Variants in CDH13 observed in about 807,000 individuals in gnomAD.
CDH13 encodes the protein cadherin 13.
In CDH13, 24 loss-of-function variants were observed where a neutral mutation model predicts 63.8. That is an observed-to-expected ratio of 0.38 (90% CI 0.27 to 0.53). The LOEUF is 0.53. Among genes scored for constraint, CDH13 ranks in the 20% least tolerant of loss-of-function variants. The pLI is 0.85. For synonymous variants in CDH13, 503 were observed against 355.3 expected, an observed-to-expected ratio of 1.42 and a Z score of -4.67; for missense variants, 1,049 against 903.1, an observed-to-expected ratio of 1.16 and a Z score of -2.07.
At chr16:83,523,032 T>C (rs1283221968) in intron 7 of CDH13, among the ~76,000 whole-genome samples, 3 of 152,244 alleles carry the variant, frequency 2.0e-5, no homozygotes, top group African/African-American at 7.2e-5. Context: ...TCAGTTCTGC[T>C]GAAATGTCAC....
intron 6 of CDH13, among the ~76,000 whole-genome samples, chr16:83,400,140 T>G (rs2091946195): frequency 1.3e-5 from 2 of 152,116 alleles, no homozygotes; most frequent in African/African-American, 4.8e-5. Context: ...TTTTCTTTTT[T>G]GGAAAGGATT....
At chr16:83,225,798 C>A (rs943471791) in intron 5 of CDH13, among the ~76,000 whole-genome samples, 1 of 152,122 alleles carries the variant, frequency 6.6e-6, no homozygotes, top group Non-Finnish European at 1.5e-5. Context: ...CATTGTGAAG[C>A]CAAGTTTGAG....
At chr16:83,690,989 T>G (rs1337234199) in intron 10 of CDH13, among the ~76,000 whole-genome samples, 1 of 151,946 alleles carries the variant, frequency 6.6e-6, no homozygotes, top group Non-Finnish European at 1.5e-5. Context: ...CCCAAAGTGC[T>G]GGGATAACAG....
chr16:83,427,351 G>A (rs576723963), intron 6 of CDH13, among the ~76,000 whole-genome samples: 1 of 152,240 alleles, frequency 6.6e-6, no homozygotes, highest in South Asian at 2.1e-4. Context: ...ATAGAGGAGG[G>A]TCAGAGAAAG....
rs539174610 is a variant in CDH13 at position 83,036,293 on chromosome 16, G to T, written c.366+4075G>T. On this transcript the variant is annotated intron_variant, in intron 3 of 13. Transcript: ENST00000567109. ...GCCTTCTGAGTGGCTGAGATTACAG[G>T]CACCCACCACCACACCTGGCTACTT... Among the ~76,000 whole-genome samples, 3 of 152,018 alleles carry T rather than the reference G, an allele frequency of 2.0e-5. No homozygotes were observed. In the East Asian group the frequency reaches 5.8e-4, roughly 29 times the overall value.
At chr16:82,672,704 T>C (rs1217976407) in intron 1 of CDH13, among the ~76,000 whole-genome samples, 1 of 151,902 alleles carries the variant, frequency 6.6e-6, no homozygotes, top group Non-Finnish European at 1.5e-5. Context: ...CTCCATAGAA[T>C]TCCTTGTGAC....
intron 3 of CDH13, among the ~76,000 whole-genome samples, chr16:83,097,386 A>T (rs7204440): frequency 0.067 from 10,150 of 152,258 alleles, 542 homozygotes; most frequent in African/African-American, 0.15. Flanking sequence ...GCCAAATATA[A>T]CACTAGTCTT....
intron 7 of CDH13, among the ~76,000 whole-genome samples, chr16:83,523,701 C>T (rs1254404968): frequency 1.3e-5 from 2 of 152,212 alleles, no homozygotes; most frequent in African/African-American, 2.4e-5. Flanking sequence ...GATTCCACCT[C>T]AGTGGGCATG....
At chr16:82,839,587 C>T (rs969119510) in intron 1 of CDH13, among the ~76,000 whole-genome samples, 4 of 152,174 alleles carry the variant, frequency 2.6e-5, no homozygotes, top group African/African-American at 9.7e-5. Context: ...TTCATTCTGG[C>T]CCTCAGTACC....
chr16:83,488,386 A>G (rs909214065), intron 7 of CDH13, among the ~76,000 whole-genome samples: 1 of 152,214 alleles, frequency 6.6e-6, no homozygotes, highest in Non-Finnish European at 1.5e-5. Flanking sequence ...AGGGAAAAAA[A>G]GGAAAAAGAG....
intron 2 of CDH13, among the ~76,000 whole-genome samples, chr16:82,875,346 T>G (rs569519362): frequency 3.3e-5 from 5 of 152,312 alleles, no homozygotes; most frequent in African/African-American, 1.2e-4. Context: ...GATGACTTAG[T>G]TAGGATTCTG....
At chr16:82,783,638 T>A (rs945945178) in intron 1 of CDH13, among the ~76,000 whole-genome samples, 1 of 152,216 alleles carries the variant, frequency 6.6e-6, no homozygotes, top group Non-Finnish European at 1.5e-5. Flanking sequence ...TTCACGGAAC[T>A]AAATGGAGTT....
At chr16:83,751,544 G>T (rs1364888406) in intron 11 of CDH13, among the ~76,000 whole-genome samples, 1 of 152,220 alleles carries the variant, frequency 6.6e-6, no homozygotes, top group Admixed American at 6.5e-5. Context: ...GGCAGCTGCC[G>T]CAGAAATACA....
intron 1 of CDH13, chr16:82,705,318 C>T: frequency 2.8e-6 from 1 of 360,190 alleles, no homozygotes; most frequent in South Asian, 2.1e-5. Flanking sequence ...GATTTCTTCT[C>T]CTTCTCTCCA....
chr16:83,542,191 A>G (rs1410930200), intron 7 of CDH13, among the ~76,000 whole-genome samples: 1 of 152,116 alleles, frequency 6.6e-6, no homozygotes, highest in Non-Finnish European at 1.5e-5. Context: ...CTAATATTTG[A>G]AAGACATCAC....
intron 5 of CDH13, among the ~76,000 whole-genome samples, chr16:83,326,852 C>T (rs1449031944): frequency 6.6e-6 from 1 of 152,158 alleles, no homozygotes; most frequent in Non-Finnish European, 1.5e-5. Flanking sequence ...TGTCTGTACT[C>T]CTAAGCCCAG....
chr16:83,596,839 T>A (rs747233), intron 7 of CDH13, among the ~76,000 whole-genome samples: 52,033 of 152,092 alleles, frequency 0.34, 11,051 homozygotes, highest in African/African-American at 0.59. Context: ...TTTGTTACTG[T>A]TCTCCTTGTG....
At chr16:83,562,169 G>C (rs868090355) in intron 7 of CDH13, among the ~76,000 whole-genome samples, 9 of 152,166 alleles carry the variant, frequency 5.9e-5, no homozygotes, top group African/African-American at 1.9e-4. Context: ...TGGAGGCTCT[G>C]ACATAGTGGA....
intron 7 of CDH13, among the ~76,000 whole-genome samples, chr16:83,503,393 A>G (rs1434871569): frequency 6.6e-6 from 1 of 152,206 alleles, no homozygotes; most frequent in Non-Finnish European, 1.5e-5. Flanking sequence ...TGGGATAACA[A>G]CACGCCACAT....
Sources: gnomAD v4.1 joint callset for allele counts (sites outside exome capture counted in the v4.1 genomes callset) on GRCh38, gnomAD v4.1.1 for gene constraint, MANE v1.5 for transcripts, NCBI Gene and HGNC (gene_info 2026-07-23, HGNC 2026-07-21) for gene names.